CTPS2: variants seen among roughly 807,000 people sequenced by gnomAD.
The protein encoded by CTPS2 is CTP synthase 2, also known as CTP synthase II.
CTPS2 carries 19 observed loss-of-function variants against 46.8 expected under a neutral mutation model. That is an observed-to-expected ratio of 0.41 (90% confidence interval 0.28 to 0.60). The LOEUF (loss-of-function observed/expected upper bound fraction) is 0.60. CTPS2 is among the 20% of genes least tolerant of loss of function. The probability of loss-of-function intolerance (pLI) is 0.35; values close to 1 mark genes in which losing one functional copy is unlikely to be tolerated. For missense variants in CTPS2, 286 were observed against 447.6 expected (o/e 0.64, Z 3.26); for synonymous variants, 151 against 165.2 (o/e 0.91, Z 0.66).
At chrX:16,598,606 C>T (rs1929440269) in intron 17 of CTPS2, among the ~76,000 whole-genome samples, 1 of 111,901 alleles carries the variant, frequency 8.9e-6, no homozygotes, top group African/African-American at 3.3e-5. Context: ...CAGATGGATT[C>T]ACAGCCGAAT....
Position 16,667,694 on chromosome X carries a change from A to G in CTPS2, c.1220T>C (p.Ile407Thr), listed in dbSNP as rs757122477. Residue 407 changes from isoleucine to threonine, a missense_variant, in exon 12 of 19, where the codon ATA becomes ACA. Transcript: ENST00000359276. Reference sequence around the variant, plus strand: ...GTTAAGGCAGTTTCTTGCAAACTCTATCACTGCTAGTTGCATCCCAAGACA... The same window carrying G: ...GTTAAGGCAGTTTCTTGCAAACTCTGTCACTGCTAGTTGCATCCCAAGACA... The part of the protein sequence containing the change: ...GVCLGMQLAV[I>T]EFARNCLNLK... 1.7e-6 allele frequency: 2 copies of G among 1,211,162 alleles called. No homozygotes were observed. The highest frequency in any genetic ancestry group is 5.9e-5 in the East Asian group (2 of 33,858).
At chrX:16,672,879 CTCTTTT>C in intron 10 of CTPS2, among the ~76,000 whole-genome samples, 1 of 92,990 alleles carries the variant, frequency 1.1e-5, no homozygotes, top group East Asian at 3.2e-4. Flanking sequence ...TGTGAGGCTA[CTCTTTT>C]TTTTTTTTTT....
chrX:16,611,651 A>G (rs1221432261), intron 16 of CTPS2, among the ~76,000 whole-genome samples: 1 of 111,513 alleles, frequency 9.0e-6, no homozygotes, highest in African/African-American at 3.3e-5. Flanking sequence ...TGGCTACCAT[A>G]TTGGATAGGG....
chrX:16,704,061 C>T (rs1924800670), intron 1 of CTPS2, among the ~76,000 whole-genome samples: 1 of 109,575 alleles, frequency 9.1e-6, no homozygotes, highest in Non-Finnish European at 1.9e-5. Context: ...GCCTCAGCCT[C>T]CCAAGTAGCT....
chrX:16,701,717 T>C (rs1371681939), intron 2 of CTPS2, among the ~76,000 whole-genome samples: 2 of 109,558 alleles, frequency 1.8e-5, no homozygotes, highest in Non-Finnish European at 3.8e-5. Flanking sequence ...TCTCCCACCT[T>C]AGCCTCCCGA....
chrX:16,639,539 C>T (rs1482144110), intron 13 of CTPS2, among the ~76,000 whole-genome samples: 6 of 110,305 alleles, frequency 5.4e-5, no homozygotes, highest in African/African-American at 9.9e-5. Flanking sequence ...CCAAGTAGTC[C>T]TCACACTTCG....
At chrX:16,601,001 C>G (rs1447872059) in intron 17 of CTPS2, among the ~76,000 whole-genome samples, 1 of 111,311 alleles carries the variant, frequency 9.0e-6, no homozygotes, top group African/African-American at 3.3e-5. Flanking sequence ...CAATAAGCAG[C>G]AGACGCAGAA....
At chrX:16,705,028 C>T (rs758991082) in intron 1 of CTPS2, among the ~76,000 whole-genome samples, 3 of 109,716 alleles carry the variant, frequency 2.7e-5, no homozygotes, top group South Asian at 3.9e-4. Context: ...ACAAATGTAC[C>T]ACTCTGCAGG....
chrX:16,686,677 G>A (rs898586029), intron 8 of CTPS2, among the ~76,000 whole-genome samples: 3 of 112,291 alleles, frequency 2.7e-5, no homozygotes, highest in South Asian at 3.6e-4. Flanking sequence ...GCTAAACCAG[G>A]TGGATTGCTT....
chrX:16,702,712 AG>A (rs754521612), intron 2 of CTPS2, 24 bp downstream of exon 2: 7 of 1,191,642 alleles, frequency 5.9e-6, no homozygotes, highest in Non-Finnish European at 8.0e-6. Flanking sequence ...TAGTGCTATA[AG>A]GGGGAAGTGG....
chrX:16,617,003 G>GT (rs1314701926), intron 16 of CTPS2, 147 bp downstream of exon 16: 10 of 449,402 alleles, frequency 2.2e-5, no homozygotes, highest in South Asian at 3.7e-5. Flanking sequence ...CCAGCAGTCT[G>GT]TTTTTTTCAT....
chrX:16,661,765 G>C (rs1284702614), intron 13 of CTPS2, among the ~76,000 whole-genome samples: 1 of 110,989 alleles, frequency 9.0e-6, no homozygotes, highest in Non-Finnish European at 1.9e-5. Context: ...ATATCCATTT[G>C]CATCTCGTTA....
At chrX:16,598,037 T>G (rs1476662199) in intron 17 of CTPS2, among the ~76,000 whole-genome samples, 6 of 109,242 alleles carry the variant, frequency 5.5e-5, no homozygotes, top group Non-Finnish European at 9.5e-5. Context: ...TTTTTGTACA[T>G]TGATTTTGTA....
chrX:16,693,734 G>A (rs1388800082), intron 4 of CTPS2, among the ~76,000 whole-genome samples: 1 of 111,139 alleles, frequency 9.0e-6, no homozygotes, highest in Non-Finnish European at 1.9e-5. Context: ...AGGCTGCAGT[G>A]AGTCATGATC....
Position 16,689,371 on chromosome X carries a change from T to C in CTPS2, c.872+79A>G, listed in dbSNP as rs140417228. 5,793 of 1,026,788 alleles carry C rather than the reference T, an allele frequency of 5.6e-3. 201 individuals are homozygous for C. In the African/African-American group the frequency reaches 0.094, roughly 17 times the overall value. The allele number at this position is 1,026,788 out of a possible 1,213,427, so 84.6% of individuals were successfully genotyped here. A position where few individuals can be genotyped will look rare whatever the true frequency, so the allele number is the denominator to read the frequency against. On this transcript the variant is annotated intron_variant, in intron 8 of 18. Coordinates refer to ENST00000359276, the MANE Select transcript of CTPS2 (RefSeq NM_175859.3). ...ACGCAAAATGCCAAATACACACGCTTACCCTTTCAAGTAGGTCTTAGTTCT... is the reference window on the plus strand; with the variant it reads ...ACGCAAAATGCCAAATACACACGCTCACCCTTTCAAGTAGGTCTTAGTTCT...
Position 16,712,386 on chromosome X carries a change from C to G in CTPS2, c.-91G>C, listed in dbSNP as rs1396586610. The G allele has an allele frequency of 8.9e-6, 1 of 112,304 alleles. No individual in the cohort carries two copies. Among genetic ancestry groups the G allele is most frequent in the Non-Finnish European group, 1.9e-5 (1 of 53,092 alleles). 9.3% of individuals were successfully genotyped at this position (112,304 alleles called of 1,213,427 possible). On this transcript the variant is annotated 5_prime_UTR_variant, in exon 1 of 19. Transcript: ENST00000359276. ...GGGTGGCCGGTGGGCACGGCGGGCT[C>G]CACCCCGCGGCTGGCCTGGCGCTCA... is the stretch of plus-strand genomic sequence containing the variant.
intron 18 of CTPS2, among the ~76,000 whole-genome samples, chrX:16,590,129 A>G (rs1014220645): frequency 8.9e-6 from 1 of 112,680 alleles, no homozygotes; most frequent in Admixed American, 9.4e-5. Flanking sequence ...ATAATAGAGC[A>G]ATGGAAAAAT....
chrX:16,691,435 C>A, intron 7 of CTPS2, 105 bp downstream of exon 7: 1 of 658,526 alleles, frequency 1.5e-6, no homozygotes, highest in South Asian at 2.6e-5. Context: ...TTCCCCAGTG[C>A]TTGCATAAAT....
chrX:16,650,617 A>C (rs572429416), intron 13 of CTPS2, among the ~76,000 whole-genome samples: 1 of 101,360 alleles, frequency 9.9e-6, no homozygotes, highest in African/African-American at 3.7e-5. Flanking sequence ...GGTTCAAGCG[A>C]TTCTCCTGCC....
Sources: allele counts gnomAD v4.1 joint callset (sites outside exome capture counted in the v4.1 genomes callset), GRCh38; gene constraint gnomAD v4.1.1; transcripts MANE v1.5; gene names NCBI Gene and HGNC (gene_info 2026-07-23, HGNC 2026-07-21).